The following CDH18 variants were observed in gnomAD, a reference collection of about 807,000 sequenced individuals.
CDH18 encodes cadherin-18.
Under a neutral mutation model 67.9 loss-of-function variants are expected in CDH18, and 31 were observed. That is an observed-to-expected ratio of 0.46 (90% CI 0.34 to 0.62). The LOEUF (loss-of-function observed/expected upper bound fraction) is 0.62, where lower values mean the gene tolerates loss of function less well. Ranked by LOEUF, CDH18 falls within the 20% of genes least tolerant of loss-of-function variation. CDH18 has a pLI of 0.01. For synonymous variants in CDH18, 362 were observed against 347.2 expected, an observed-to-expected ratio of 1.04 and a Z score of -0.48; for missense variants, 890 against 975.5, an observed-to-expected ratio of 0.91 and a Z score of 1.17.
At chr5:20,026,301 T>C (rs1024530476) in intron 2 of CDH18, among the ~76,000 whole-genome samples, 11 of 152,184 alleles carry the variant, frequency 7.2e-5, no homozygotes, top group Non-Finnish European at 1.2e-4. Flanking sequence ...TATGTGGCCA[T>C]TGATGAATTA....
At chr5:20,244,953 C>CA (rs1743265307) in intron 2 of CDH18, among the ~76,000 whole-genome samples, 1 of 151,974 alleles carries the variant, frequency 6.6e-6, no homozygotes, top group South Asian at 2.1e-4. Flanking sequence ...AGTTTAACTG[C>CA]AAAAAATAAT....
chr5:19,494,025 A>C (rs1017853484), intron 11 of CDH18, among the ~76,000 whole-genome samples: 2 of 152,142 alleles, frequency 1.3e-5, no homozygotes, highest in African/African-American at 4.8e-5. Context: ...ATATCACTAA[A>C]AGAAGATCAA....
At chr5:20,187,890 T>C (rs1054984939) in intron 2 of CDH18, among the ~76,000 whole-genome samples, 1 of 151,758 alleles carries the variant, frequency 6.6e-6, no homozygotes, top group Non-Finnish European at 1.5e-5. Flanking sequence ...AAATAACCAA[T>C]ATTCCAAAGC....
At chr5:19,970,726 A>G (rs1332566105) in intron 2 of CDH18, among the ~76,000 whole-genome samples, 1 of 151,472 alleles carries the variant, frequency 6.6e-6, no homozygotes, top group Non-Finnish European at 1.5e-5. Context: ...GAAAATAATT[A>G]TTCATACATT....
At chr5:19,747,727 G>A (rs1389840174) in intron 3 of CDH18, among the ~76,000 whole-genome samples, 1 of 147,706 alleles carries the variant, frequency 6.8e-6, no homozygotes, top group Non-Finnish European at 1.5e-5. Context: ...ACATATTTAA[G>A]TCATAGTCAC....
At chr5:20,406,931 G>A (rs1746320796) in intron 1 of CDH18, among the ~76,000 whole-genome samples, 1 of 152,122 alleles carries the variant, frequency 6.6e-6, no homozygotes. Flanking sequence ...TCCTATCCGT[G>A]GTGCAGCATT....
chr5:20,506,793 A>AT (rs1275469930), intron 1 of CDH18, among the ~76,000 whole-genome samples: 1 of 152,212 alleles, frequency 6.6e-6, no homozygotes, highest in African/African-American at 2.4e-5. Flanking sequence ...GTTGTTTGTC[A>AT]TTTTTTCTAC....
intron 3 of CDH18, among the ~76,000 whole-genome samples, chr5:19,765,992 G>C (rs1427089277): frequency 6.6e-6 from 1 of 151,690 alleles, no homozygotes; most frequent in Non-Finnish European, 1.5e-5. Context: ...CAATTCTCCT[G>C]CCTCAGCCTC....
intron 2 of CDH18, among the ~76,000 whole-genome samples, chr5:19,888,037 T>C (rs1579440644): frequency 6.6e-6 from 1 of 152,138 alleles, no homozygotes; most frequent in African/African-American, 2.4e-5. Flanking sequence ...TATAGGTAGG[T>C]TCTAATCTCT....
intron 1 of CDH18, among the ~76,000 whole-genome samples, chr5:20,478,194 GGA>G (rs1561044791): frequency 6.6e-6 from 1 of 152,148 alleles, no homozygotes; most frequent in African/African-American, 2.4e-5. Context: ...GTAGCAATGA[GGA>G]GAGTCTTTTG....
At chr5:20,369,632 T>A (rs996307724) in intron 1 of CDH18, among the ~76,000 whole-genome samples, 2 of 152,206 alleles carry the variant, frequency 1.3e-5, no homozygotes, top group African/African-American at 4.8e-5. Context: ...TATGAATAAT[T>A]TAAGGAAATG....
intron 2 of CDH18, among the ~76,000 whole-genome samples, chr5:20,242,861 C>G (rs951104241): frequency 1.3e-5 from 2 of 151,684 alleles, no homozygotes; most frequent in African/African-American, 4.8e-5. Flanking sequence ...GTCTTTCAAA[C>G]TGAAACCATT....
At position 19,600,322 on chromosome 5, in the gene CDH18, A is replaced by C. The variant is rs1220397991; in HGVS notation, c.812-9078T>G. Among the ~76,000 whole-genome samples, 3 of 152,112 alleles carry C rather than the reference A, an allele frequency of 2.0e-5. No individual in the cohort carries two copies. In the East Asian group the frequency reaches 5.8e-4, roughly 30 times the overall value. ...TGTAACAAACCTGCACGTTGTGCAC[A>C]TCTACCCTAGAACTTAAAAGTATAA... On this transcript the variant is annotated intron_variant, in intron 6 of 12. Coordinates refer to ENST00000382275, the MANE Select transcript of CDH18 (RefSeq NM_004934.5).
intron 2 of CDH18, among the ~76,000 whole-genome samples, chr5:19,889,551 T>C (rs991390167): frequency 6.6e-6 from 1 of 152,142 alleles, no homozygotes. Flanking sequence ...CAATAAACCA[T>C]TACTGTCCTA....
chr5:19,924,305 C>G (rs995128048), intron 2 of CDH18, among the ~76,000 whole-genome samples: 6 of 152,070 alleles, frequency 3.9e-5, no homozygotes, highest in Non-Finnish European at 7.4e-5. Flanking sequence ...TTTAAGATAT[C>G]TTTTTGCATT....
intron 4 of CDH18, among the ~76,000 whole-genome samples, chr5:19,723,917 G>T (rs1460363582): frequency 6.6e-6 from 1 of 151,942 alleles, no homozygotes; most frequent in African/African-American, 2.4e-5. Context: ...GTTTCACCAT[G>T]TTGGCCAGGC....
chr5:19,646,803 G>GT (rs1754814170), intron 5 of CDH18, among the ~76,000 whole-genome samples: 1 of 152,098 alleles, frequency 6.6e-6, no homozygotes, highest in African/African-American at 2.4e-5. Flanking sequence ...ATGGATTTCA[G>GT]TATCTTATAA....
intron 3 of CDH18, among the ~76,000 whole-genome samples, chr5:19,818,591 G>A (rs938610550): frequency 6.6e-6 from 1 of 152,094 alleles, no homozygotes; most frequent in Admixed American, 6.6e-5. Flanking sequence ...CTGTGTTTTT[G>A]TGAACATCAC....
intron 3 of CDH18, among the ~76,000 whole-genome samples, chr5:19,831,010 G>A (rs1459495912): frequency 6.6e-6 from 1 of 151,930 alleles, no homozygotes; most frequent in East Asian, 1.9e-4. Flanking sequence ...ACAAAGAAGG[G>A]GACAACAGAT....
Sources: gnomAD v4.1 joint callset for allele counts (sites outside exome capture counted in the v4.1 genomes callset) on GRCh38, gnomAD v4.1.1 for gene constraint, MANE v1.5 for transcripts, NCBI Gene and HGNC (gene_info 2026-07-23, HGNC 2026-07-21) for gene names.